Variants in SLCO4C1 observed in about 807,000 individuals in gnomAD.
SLCO4C1 encodes the protein organic anion transporter M1.
A neutral mutation model predicts 72.1 loss-of-function variants in SLCO4C1; 58 were observed. That is an observed-to-expected ratio of 0.80 (90% CI 0.65 to 1.00). The LOEUF (loss-of-function observed/expected upper bound fraction) is 1.00. Ranked by LOEUF, SLCO4C1 falls within the 50% of genes least tolerant of loss-of-function variation. SLCO4C1 has a pLI of 0.00. For synonymous variants in SLCO4C1, 297 were observed against 312.5 expected (o/e 0.95, Z 0.52); for missense variants, 898 against 857.9 (o/e 1.05, Z -0.58).
chr5:102,261,304 C>T (rs558409575), intron 5 of SLCO4C1, among the ~76,000 whole-genome samples: 31 of 151,892 alleles, frequency 2.0e-4, no homozygotes, highest in Non-Finnish European at 4.1e-4. Flanking sequence ...CCCAGCTACT[C>T]AGGAGGCTAA....
chr5:102,261,241 C>T (rs1016712337), intron 5 of SLCO4C1, among the ~76,000 whole-genome samples: 2 of 151,916 alleles, frequency 1.3e-5, no homozygotes, highest in African/African-American at 4.8e-5. Context: ...GGCAAAACCC[C>T]ATCTCTAATA....
intron 8 of SLCO4C1, among the ~76,000 whole-genome samples, chr5:102,255,931 C>A (rs765370861): frequency 2.0e-5 from 3 of 151,648 alleles, no homozygotes; most frequent in Non-Finnish European, 4.4e-5. Flanking sequence ...CTTGGCCGGG[C>A]GCGGTGGCTC....
chr5:102,236,699 AC>A lies in SLCO4C1; in HGVS notation c.*158del. The A allele has an allele frequency of 1.2e-6, 1 of 833,906 alleles. No homozygotes were observed. 51.7% of individuals were successfully genotyped at this position (833,906 alleles called of 1,614,324 possible). A position where few individuals can be genotyped will look rare whatever the true frequency, so the allele number is the denominator to read the frequency against. Reference sequence around the variant, plus strand: ...GGCACAGGTCTGTTTCTTGCATAAAACAAAAACTACATAAGTAAAAAAATAC... The same window carrying A: ...GGCACAGGTCTGTTTCTTGCATAAAAAAAAACTACATAAGTAAAAAAATAC... On this transcript the variant is annotated 3_prime_UTR_variant, in exon 13 of 13. Coordinates refer to ENST00000310954, the MANE Select transcript of SLCO4C1 (RefSeq NM_180991.5).
chr5:102,272,948 A>AAAAG (rs376676176), intron 2 of SLCO4C1, among the ~76,000 whole-genome samples: 7,842 of 151,808 alleles, frequency 0.052, 639 homozygotes, highest in African/African-American at 0.17. Flanking sequence ...TCATCTCAAA[A>AAAAG]AAAGAAAGAA....
chr5:102,269,902 C>A (rs1250196728), intron 3 of SLCO4C1, among the ~76,000 whole-genome samples: 1 of 151,584 alleles, frequency 6.6e-6, no homozygotes, highest in East Asian at 1.9e-4. Flanking sequence ...GGTAGGTACC[C>A]TTTGGGTTTG....
Position 102,249,672 on chromosome 5 carries a change from C to G in SLCO4C1, c.1586G>C (p.Gly529Ala). 6.2e-7 allele frequency: 1 copy of G among 1,613,786 alleles called. No individual in the cohort carries two copies. Among genetic ancestry groups the G allele is most frequent in the Non-Finnish European group, 8.5e-7 (1 of 1,179,886 alleles). ...GVQYFSPCFAGCSNPVAHRKP... is the reference protein window; with the variant it reads ...GVQYFSPCFAACSNPVAHRKP... ...CCTGTGTGCAACTGGGTTTGAACAG[C>G]CTGCAAAGCAGGGAGAAAAATATTG... The change falls in exon 9 of 13, where the codon GGC becomes GCC. Residue 529 changes from glycine to alanine, a missense_variant. Gly to Ala is a moderately conservative substitution (Grantham distance 60). Transcript: ENST00000310954.
chr5:102,250,318 A>C (rs1748714702), intron 8 of SLCO4C1, among the ~76,000 whole-genome samples: 2 of 152,098 alleles, frequency 1.3e-5, no homozygotes, highest in African/African-American at 4.8e-5. Context: ...ACCAAATATA[A>C]TTTTCCCAGT....
intron 1 of SLCO4C1, 64 bp downstream of exon 1, chr5:102,295,844 G>C: frequency 6.7e-7 from 1 of 1,486,142 alleles, no homozygotes; most frequent in Non-Finnish European, 9.1e-7. Flanking sequence ...CTCTCCCCCG[G>C]CTGGCTCGCC....
intron 12 of SLCO4C1, among the ~76,000 whole-genome samples, chr5:102,238,307 T>C (rs1401310935): frequency 2.6e-5 from 4 of 152,172 alleles, no homozygotes; most frequent in South Asian, 2.1e-4. Flanking sequence ...ACATTGTATG[T>C]AGCCATGATT....
chr5:102,288,595 A>T lies in SLCO4C1; in HGVS notation c.619+2748T>A, dbSNP rs557246581. Among the ~76,000 whole-genome samples, 51 of 152,234 alleles carry T rather than the reference A, an allele frequency of 3.4e-4. No homozygotes were observed. In the South Asian group the frequency reaches 0.01, roughly 31 times the overall value. On this transcript the variant is annotated intron_variant, in intron 2 of 12. Transcript: ENST00000310954. ...GTATAAAACTCTTCCACAACTTTGC[A>T]TTGCATTTCAAGCACAATCTAAATG...
intron 1 of SLCO4C1, 104 bp from the exon 2 acceptor site, chr5:102,291,710 A>T (rs2548726): frequency 0.46 from 451,334 of 975,096 alleles, 109,417 homozygotes; most frequent in African/African-American, 0.77. Context: ...TTTTTTTCTT[A>T]AAATGTACCA....
intron 2 of SLCO4C1, among the ~76,000 whole-genome samples, chr5:102,279,955 G>T (rs546870297): frequency 5.0e-4 from 76 of 151,974 alleles, no homozygotes; most frequent in African/African-American, 1.8e-3. Flanking sequence ...ACTTGATAAA[G>T]AGTATTTATA....
At chr5:102,294,471 T>C (rs1199392449) in intron 1 of SLCO4C1, among the ~76,000 whole-genome samples, 3 of 152,178 alleles carry the variant, frequency 2.0e-5, no homozygotes, top group Non-Finnish European at 2.9e-5. Context: ...TTTTAGGCAA[T>C]ATTTTATATT....
chr5:102,276,716 C>A (rs912920861), intron 2 of SLCO4C1, among the ~76,000 whole-genome samples: 1 of 152,166 alleles, frequency 6.6e-6, no homozygotes, highest in Non-Finnish European at 1.5e-5. Context: ...AGGAACAACT[C>A]AATTTTCCCT....
At chr5:102,266,877 G>C (rs1362064410) in intron 3 of SLCO4C1, among the ~76,000 whole-genome samples, 1 of 152,116 alleles carries the variant, frequency 6.6e-6, no homozygotes, top group Non-Finnish European at 1.5e-5. Context: ...TACATCTACA[G>C]AGATGATCAT....
At chr5:102,263,814 T>C (rs760161140) in intron 3 of SLCO4C1, 34 bp from the exon 4 acceptor site, 2 of 1,502,632 alleles carry the variant, frequency 1.3e-6, no homozygotes, top group African/African-American at 1.4e-5. Flanking sequence ...AATACAGTCA[T>C]ATGTACAACT....
At position 102,236,899 on chromosome 5, in the gene SLCO4C1, A is replaced by C. The variant is rs757976565; in HGVS notation, c.2134T>G (p.Leu712Val). The C allele has an allele frequency of 4.3e-6, 7 of 1,613,048 alleles. No homozygotes were observed. In the African/African-American group the frequency reaches 9.4e-5, roughly 22 times the overall value. ...ATTTTGTTGAGATCCTGTTCTGCTA[A>C]AACATTAGTCACAACTGCATTCTCT... ...HKENAVVTNV[L>V]AEQDLNKIVK... The change falls in exon 13 of 13, where the codon TTA becomes GTA. Residue 712 changes from leucine (L) to valine (V), a missense_variant. Physicochemically the swap from Leu to Val is conservative, Grantham distance 32. Transcript: ENST00000310954.
intron 10 of SLCO4C1, among the ~76,000 whole-genome samples, chr5:102,241,519 C>T (rs1748539371): frequency 6.6e-6 from 1 of 151,796 alleles, no homozygotes; most frequent in Non-Finnish European, 1.5e-5. Context: ...AAAAAAAATA[C>T]TTAGGAATAA....
intron 3 of SLCO4C1, among the ~76,000 whole-genome samples, chr5:102,266,482 T>G (rs1749041755): frequency 6.6e-6 from 1 of 152,070 alleles, no homozygotes; most frequent in African/African-American, 2.4e-5. Context: ...AAACCCTGTC[T>G]CTACTAAAAA....
Sources: allele counts gnomAD v4.1 joint callset (sites outside exome capture counted in the v4.1 genomes callset), GRCh38; gene constraint gnomAD v4.1.1; transcripts MANE v1.5; gene names NCBI Gene and HGNC (gene_info 2026-07-23, HGNC 2026-07-21).